Variants in BRINP3 observed in about 807,000 individuals in gnomAD.
BRINP3 encodes the protein BMP/retinoic acid inducible neural specific 3.
Under a neutral mutation model 71.0 loss-of-function variants are expected in BRINP3, and 19 were observed. That is an observed-to-expected ratio of 0.27 (90% CI 0.19 to 0.39). BRINP3 has a LOEUF of 0.39. Among genes scored for constraint, BRINP3 ranks in the 10% least tolerant of loss-of-function variants. The pLI is 1.00. For missense variants in BRINP3, 959 were observed against 940.8 expected, an observed-to-expected ratio of 1.02 and a Z score of -0.25; for synonymous variants, 380 against 337.7, an observed-to-expected ratio of 1.13 and a Z score of -1.37.
At chr1:190,448,465 GTGT>G (rs772562545) in intron 2 of BRINP3, among the ~76,000 whole-genome samples, 3,737 of 135,294 alleles carry the variant, frequency 0.028, 55 homozygotes, top group East Asian at 0.058. Flanking sequence ...CTTGGGGTTT[GTGT>G]GTGTGTGTGT....
chr1:190,357,535 C>T (rs992075200), intron 2 of BRINP3, among the ~76,000 whole-genome samples: 4 of 151,792 alleles, frequency 2.6e-5, no homozygotes, highest in Non-Finnish European at 5.9e-5. Flanking sequence ...AATACAAGAG[C>T]TTTTTGTGTA....
At chr1:190,303,681 C>A (rs1236614499) in intron 2 of BRINP3, among the ~76,000 whole-genome samples, 4 of 151,636 alleles carry the variant, frequency 2.6e-5, no homozygotes, top group Non-Finnish European at 5.9e-5. Flanking sequence ...AGTTAAAAGT[C>A]AGTAAAGCCA....
intron 6 of BRINP3, among the ~76,000 whole-genome samples, chr1:190,224,804 C>A (rs999879445): frequency 1.3e-5 from 2 of 151,612 alleles, no homozygotes; most frequent in East Asian, 1.9e-4. Flanking sequence ...ATACTAAAAA[C>A]CAAAACTAAT....
chr1:190,210,048 T>C (rs751073774), intron 6 of BRINP3, among the ~76,000 whole-genome samples: 2 of 152,092 alleles, frequency 1.3e-5, no homozygotes, highest in Non-Finnish European at 2.9e-5. Context: ...AACTACTGGG[T>C]ATACAACATT....
chr1:190,343,998 G>C (rs1667843026), intron 2 of BRINP3, among the ~76,000 whole-genome samples: 1 of 151,626 alleles, frequency 6.6e-6, no homozygotes, highest in African/African-American at 2.4e-5. Flanking sequence ...ACAATATCAT[G>C]AGTAGACCTA....
intron 1 of BRINP3, among the ~76,000 whole-genome samples, chr1:190,463,639 A>T (rs1676543756): frequency 6.6e-6 from 1 of 151,776 alleles, no homozygotes; most frequent in African/African-American, 2.4e-5. Context: ...ATGTTCATAA[A>T]TTCTATATAT....
chr1:190,223,824 C>A (rs1041068348), intron 6 of BRINP3, among the ~76,000 whole-genome samples: 1 of 151,542 alleles, frequency 6.6e-6, no homozygotes, highest in African/African-American at 2.4e-5. Flanking sequence ...AGTAAAGTTG[C>A]GGGATACAAA....
intron 2 of BRINP3, among the ~76,000 whole-genome samples, chr1:190,453,082 T>C (rs1023304572): frequency 2.6e-5 from 4 of 151,812 alleles, no homozygotes; most frequent in African/African-American, 4.8e-5. Context: ...TAAAATCAGG[T>C]AGCTTCACTC....
chr1:190,468,132 A>G (rs2102694579), intron 1 of BRINP3, among the ~76,000 whole-genome samples: 1 of 151,514 alleles, frequency 6.6e-6, no homozygotes, highest in South Asian at 2.1e-4. Flanking sequence ...GTCTGGTTTC[A>G]GATCTTGAGC....
intron 7 of BRINP3, among the ~76,000 whole-genome samples, chr1:190,107,702 C>T (rs1243898327): frequency 6.6e-6 from 1 of 151,930 alleles, no homozygotes; most frequent in Non-Finnish European, 1.5e-5. Flanking sequence ...TATATTGTTA[C>T]ACTAGAATCC....
At chr1:190,340,144 A>C (rs114700960) in intron 2 of BRINP3, among the ~76,000 whole-genome samples, 1 of 152,046 alleles carries the variant, frequency 6.6e-6, no homozygotes, top group Non-Finnish European at 1.5e-5. Context: ...TAAAATCCTT[A>C]GATAAGAAAA....
intron 2 of BRINP3, among the ~76,000 whole-genome samples, chr1:190,335,375 T>TA (rs1209162446): frequency 3.3e-5 from 5 of 151,914 alleles, no homozygotes; most frequent in Non-Finnish European, 7.4e-5. Flanking sequence ...AGAGGACTTC[T>TA]AATTCTTGAA....
chr1:190,338,145 T>G (rs1164564104), intron 2 of BRINP3, among the ~76,000 whole-genome samples: 3 of 152,088 alleles, frequency 2.0e-5, no homozygotes, highest in Non-Finnish European at 4.4e-5. Flanking sequence ...TTTAGTAACT[T>G]AAGCAATTGA....
Position 190,126,998 on chromosome 1 carries a change from T to C in BRINP3, c.1185-27864A>G, listed in dbSNP as rs550861915. Reference sequence around the variant, plus strand: ...ATGTGACTCTTACAAAAATGAAATATTTAATTTGATCACAAACAGTATTTA... The same window carrying C: ...ATGTGACTCTTACAAAAATGAAATACTTAATTTGATCACAAACAGTATTTA... On this transcript the variant is annotated intron_variant, in intron 7 of 7. Transcript: ENST00000367462. Among the ~76,000 whole-genome samples, 4 of 151,994 alleles carry C rather than the reference T, an allele frequency of 2.6e-5. No individual in the cohort carries two copies. The South Asian group carries it at 6.2e-4, about 24-fold the overall frequency.
At chr1:190,108,813 T>A (rs1283178625) in intron 7 of BRINP3, among the ~76,000 whole-genome samples, 1 of 151,372 alleles carries the variant, frequency 6.6e-6, no homozygotes, top group African/African-American at 2.4e-5. Context: ...GGAAAAAAAA[T>A]GAGTCTCTTT....
chr1:190,381,145 T>C (rs893297411), intron 2 of BRINP3, among the ~76,000 whole-genome samples: 7 of 152,174 alleles, frequency 4.6e-5, no homozygotes, highest in African/African-American at 7.2e-5. Flanking sequence ...TGACTATTCA[T>C]GCACCCATTA....
chr1:190,243,404 A>G (rs1366566785), intron 4 of BRINP3, among the ~76,000 whole-genome samples: 1 of 152,106 alleles, frequency 6.6e-6, no homozygotes, highest in African/African-American at 2.4e-5. Context: ...TAGCCATAAA[A>G]AAGCTTTCAT....
At chr1:190,409,295 CA>C (rs1402003356) in intron 2 of BRINP3, among the ~76,000 whole-genome samples, 1 of 151,956 alleles carries the variant, frequency 6.6e-6, no homozygotes, top group Non-Finnish European at 1.5e-5. Context: ...AAGGAAACAG[CA>C]TTATTTTATT....
At chr1:190,176,605 G>T (rs1280566284) in intron 6 of BRINP3, among the ~76,000 whole-genome samples, 1 of 152,010 alleles carries the variant, frequency 6.6e-6, no homozygotes, top group Non-Finnish European at 1.5e-5. Context: ...TTTAATCATG[G>T]CCCTTTACTA....
Sources: gnomAD v4.1 joint callset for allele counts (sites outside exome capture counted in the v4.1 genomes callset) on GRCh38, gnomAD v4.1.1 for gene constraint, MANE v1.5 for transcripts, NCBI Gene and HGNC (gene_info 2026-07-23, HGNC 2026-07-21) for gene names.